The following TANC2 variants were observed in gnomAD, a reference collection of about 807,000 sequenced individuals.
TANC2 encodes tetratricopeptide repeat, ankyrin repeat and coiled-coil containing 2.
TANC2 carries 26 observed loss-of-function variants against 210.5 expected under a neutral mutation model. The ratio of observed to expected loss-of-function variants is 0.12; its 90% CI spans 0.09 to 0.17. TANC2 has a LOEUF of 0.17. Ranked by LOEUF, TANC2 falls within the 10% of genes least tolerant of loss-of-function variation. The probability of loss-of-function intolerance (pLI) is 1.00; values close to 1 mark genes in which losing one functional copy is unlikely to be tolerated. For missense variants in TANC2, 2,129 were observed against 2,608.9 expected, an observed-to-expected ratio of 0.82 and a Z score of 4.01; for synonymous variants, 931 against 967.1, an observed-to-expected ratio of 0.96 and a Z score of 0.69.
intron 11 of TANC2, among the ~76,000 whole-genome samples, chr17:63,322,214 C>T (rs971603369): frequency 6.6e-6 from 1 of 152,018 alleles, no homozygotes; most frequent in African/African-American, 2.4e-5. Context: ...GGTCTCTATC[C>T]TCTTCTTTAG....
At chr17:63,113,200 A>G (rs1184215507) in intron 4 of TANC2, among the ~76,000 whole-genome samples, 1 of 152,240 alleles carries the variant, frequency 6.6e-6, no homozygotes, top group East Asian at 1.9e-4. Context: ...TATAAAGCTT[A>G]GAACAGAATA....
At chr17:63,415,623 A>G in exon 26 of TANC2, 1 of 1,613,548 alleles carries the variant, frequency 6.2e-7, no homozygotes, top group African/African-American at 1.3e-5. Flanking sequence ...CTTTCCGGGA[A>G]CTAAAGGTGT....
chr17:63,175,468 A>G (rs1252401849), intron 5 of TANC2, among the ~76,000 whole-genome samples: 1 of 147,286 alleles, frequency 6.8e-6, no homozygotes, highest in African/African-American at 2.5e-5. Flanking sequence ...TTGAGGCTGC[A>G]GTGAGCTATG....
chr17:63,061,440 C>A (rs576351289), intron 2 of TANC2, among the ~76,000 whole-genome samples: 3 of 152,178 alleles, frequency 2.0e-5, no homozygotes, highest in Non-Finnish European at 4.4e-5. Flanking sequence ...ATGATCCCCC[C>A]CTTTTTAAAT....
chr17:63,255,903 CTTTTTTT>C (rs1170508286), intron 8 of TANC2, among the ~76,000 whole-genome samples: 4 of 84,230 alleles, frequency 4.7e-5, no homozygotes, highest in Admixed American at 1.2e-4. Flanking sequence ...TTTGACTTTT[CTTTTTTT>C]TTTTTTTTTT....
chr17:63,245,747 C>T (rs1427187377), intron 8 of TANC2, among the ~76,000 whole-genome samples: 1 of 151,146 alleles, frequency 6.6e-6, no homozygotes, highest in Non-Finnish European at 1.5e-5. Flanking sequence ...GAGGCTGAGG[C>T]ACAGAGAATC....
chr17:63,040,805 T>A (rs2035157297), intron 2 of TANC2, among the ~76,000 whole-genome samples: 1 of 152,210 alleles, frequency 6.6e-6, no homozygotes, highest in Non-Finnish European at 1.5e-5. Flanking sequence ...AAAATGCTGC[T>A]GGTATATTAT....
chr17:63,184,008 C>A (rs977767143), intron 5 of TANC2, among the ~76,000 whole-genome samples: 3 of 149,022 alleles, frequency 2.0e-5, no homozygotes, highest in Non-Finnish European at 4.4e-5. Context: ...CAGCGAGACT[C>A]CGTCTCAAAA....
chr17:63,229,166 T>G (rs1333953883), intron 7 of TANC2, among the ~76,000 whole-genome samples: 1 of 152,234 alleles, frequency 6.6e-6, no homozygotes, highest in Non-Finnish European at 1.5e-5. Flanking sequence ...GAAGGCCTTT[T>G]CTACGTCTAT....
At chr17:62,967,891 T>C (rs995151170) in intron 1 of TANC2, among the ~76,000 whole-genome samples, 1 of 152,000 alleles carries the variant, frequency 6.6e-6, no homozygotes, top group Non-Finnish European at 1.5e-5. Flanking sequence ...ATACTGTCAG[T>C]GGAGTGCTTC....
At chr17:63,059,979 G>A (rs2035938191) in intron 2 of TANC2, among the ~76,000 whole-genome samples, 1 of 152,200 alleles carries the variant, frequency 6.6e-6, no homozygotes. Flanking sequence ...AGTGGATAGA[G>A]TTAGGATATA....
At chr17:63,324,365 G>A (rs1180911647) in intron 11 of TANC2, among the ~76,000 whole-genome samples, 1 of 152,160 alleles carries the variant, frequency 6.6e-6, no homozygotes, top group Non-Finnish European at 1.5e-5. Context: ...AAATGATCAT[G>A]GTTCCTGAAA....
At chr17:63,347,432 T>C (rs908115790) in intron 12 of TANC2, among the ~76,000 whole-genome samples, 1 of 152,210 alleles carries the variant, frequency 6.6e-6, no homozygotes, top group Non-Finnish European at 1.5e-5. Context: ...CATATAGCTG[T>C]CAAAACTTAT....
intron 2 of TANC2, among the ~76,000 whole-genome samples, chr17:63,058,287 G>GT (rs1461738236): frequency 6.6e-6 from 1 of 151,322 alleles, no homozygotes; most frequent in African/African-American, 2.4e-5. Context: ...GGGTTGTTTG[G>GT]TTTTTTAAGT....
intron 11 of TANC2, among the ~76,000 whole-genome samples, chr17:63,334,556 T>C (rs2045963998): frequency 6.6e-6 from 1 of 152,172 alleles, no homozygotes; most frequent in Non-Finnish European, 1.5e-5. Flanking sequence ...AGAAAATCAC[T>C]ATTAGGCAAA....
At chr17:63,338,526 T>C (rs1415074576) in intron 11 of TANC2, among the ~76,000 whole-genome samples, 1 of 152,236 alleles carries the variant, frequency 6.6e-6, no homozygotes, top group Admixed American at 6.5e-5. Flanking sequence ...GTTTGCTTTT[T>C]ATCAAGTGGA....
exon 28 of TANC2, chr17:63,425,964 GA>G (rs1176046582): frequency 1.3e-5 from 2 of 152,350 alleles, no homozygotes; most frequent in African/African-American, 4.8e-5. Flanking sequence ...TTCTACTGCA[GA>G]AATGCCTTGG....
intron 3 of TANC2, among the ~76,000 whole-genome samples, chr17:63,087,985 A>C (rs1190743076): frequency 2.0e-5 from 3 of 152,216 alleles, no homozygotes; most frequent in Non-Finnish European, 4.4e-5. Flanking sequence ...TAAGCTCCTT[A>C]CATGCCAGAT....
At position 63,411,704 on chromosome 17, in the gene TANC2, A is replaced by G; in HGVS notation, c.3765+18A>G. ...CTGAGGTGGTAAGTACCTTTAAACA[A>G]GCCTCAAGAGAGCAGAGAGAGGGGC... On this transcript the variant is annotated intron_variant, in intron 22 of 27. Transcript: ENST00000689528. The G allele has an allele frequency of 6.3e-7, 1 of 1,597,338 alleles. No homozygotes were observed. Among genetic ancestry groups the G allele is most frequent in the Non-Finnish European group, 8.5e-7 (1 of 1,171,732 alleles).
Sources: gnomAD v4.1 joint callset for allele counts (sites outside exome capture counted in the v4.1 genomes callset) on GRCh38, gnomAD v4.1.1 for gene constraint, MANE v1.5 for transcripts, NCBI Gene and HGNC (gene_info 2026-07-23, HGNC 2026-07-21) for gene names.